The following GRM8 variants were observed in gnomAD, a reference collection of about 807,000 sequenced individuals.
The protein encoded by GRM8 is metabotropic glutamate receptor 8.
Under a neutral mutation model 87.2 loss-of-function variants are expected in GRM8, and 47 were observed. That is an observed-to-expected ratio of 0.54 (90% CI 0.43 to 0.69). GRM8 has a LOEUF of 0.69. Ranked by LOEUF, GRM8 falls within the 30% of genes least tolerant of loss-of-function variation. The pLI is 0.00. For missense variants in GRM8, 1,019 were observed against 1,139.2 expected, an observed-to-expected ratio of 0.89 and a Z score of 1.52; for synonymous variants, 396 against 404.5, an observed-to-expected ratio of 0.98 and a Z score of 0.25.
chr7:126,719,333 T>C (rs976979034), intron 7 of GRM8, among the ~76,000 whole-genome samples: 4 of 152,226 alleles, frequency 2.6e-5, no homozygotes, highest in African/African-American at 9.6e-5. Flanking sequence ...AACACAAACA[T>C]AGATTTCACT....
At chr7:127,198,954 C>A (rs1275736122) in intron 2 of GRM8, among the ~76,000 whole-genome samples, 1 of 151,904 alleles carries the variant, frequency 6.6e-6, no homozygotes, top group Non-Finnish European at 1.5e-5. Context: ...AATTCTCCTG[C>A]CTCAGCCTTC....
intron 7 of GRM8, among the ~76,000 whole-genome samples, chr7:126,740,854 C>T (rs545322886): frequency 5.0e-4 from 76 of 152,218 alleles, no homozygotes; most frequent in African/African-American, 1.8e-3. Context: ...GAAGCATAGA[C>T]ATTTCCCAAC....
At chr7:126,945,612 T>C (rs1807451381) in intron 3 of GRM8, among the ~76,000 whole-genome samples, 1 of 152,226 alleles carries the variant, frequency 6.6e-6, no homozygotes. Flanking sequence ...ATGAATTTCA[T>C]GTTTATACTT....
chr7:126,568,408 C>G (rs1411093711), intron 8 of GRM8, among the ~76,000 whole-genome samples: 2 of 152,094 alleles, frequency 1.3e-5, no homozygotes, highest in Non-Finnish European at 2.9e-5. Context: ...TGATGTAAGT[C>G]TTTAAAACTA....
chr7:127,064,548 C>T (rs1296775505), intron 3 of GRM8, among the ~76,000 whole-genome samples: 1 of 152,162 alleles, frequency 6.6e-6, no homozygotes, highest in Non-Finnish European at 1.5e-5. Flanking sequence ...AGACAGCATA[C>T]CATTGGATCT....
At chr7:127,197,361 G>A (rs745825413) in intron 2 of GRM8, among the ~76,000 whole-genome samples, 6 of 152,152 alleles carry the variant, frequency 3.9e-5, no homozygotes, top group Non-Finnish European at 7.3e-5. Context: ...AAGTTGGAAG[G>A]GGCCAACATT....
chr7:127,137,307 C>T (rs1231692512), intron 2 of GRM8, among the ~76,000 whole-genome samples: 1 of 151,942 alleles, frequency 6.6e-6, no homozygotes, highest in Non-Finnish European at 1.5e-5. Flanking sequence ...GCAATAAATG[C>T]CTAGTAATGT....
chr7:126,699,774 A>G (rs1347245735), intron 7 of GRM8, among the ~76,000 whole-genome samples: 1 of 152,188 alleles, frequency 6.6e-6, no homozygotes, highest in Non-Finnish European at 1.5e-5. Context: ...AGAGTGGCCC[A>G]GAAATGCCCT....
chr7:127,081,405 C>A (rs531812221), intron 3 of GRM8, among the ~76,000 whole-genome samples: 1 of 152,348 alleles, frequency 6.6e-6, no homozygotes, highest in Admixed American at 6.5e-5. Flanking sequence ...CCTGGCATCA[C>A]CCCTACCCAG....
chr7:127,149,479 T>G (rs1422346726), intron 2 of GRM8, among the ~76,000 whole-genome samples: 1 of 152,054 alleles, frequency 6.6e-6, no homozygotes, highest in Non-Finnish European at 1.5e-5. Context: ...CAGACTGGTA[T>G]AGCCATTATG....
intron 6 of GRM8, among the ~76,000 whole-genome samples, chr7:126,855,447 G>T (rs1382026602): frequency 6.7e-6 from 1 of 149,786 alleles, no homozygotes; most frequent in Non-Finnish European, 1.5e-5. Context: ...ACCAGAATTT[G>T]TAAAGGGCAG....
At chr7:126,507,716 G>A (rs143017754) in intron 9 of GRM8, among the ~76,000 whole-genome samples, 184 of 152,118 alleles carry the variant, frequency 1.2e-3, no homozygotes, top group African/African-American at 3.8e-3. Context: ...ATGAAGGTCC[G>A]CAGCCCAGGG....
chr7:126,642,443 C>T (rs995954605), intron 7 of GRM8, among the ~76,000 whole-genome samples: 5 of 151,956 alleles, frequency 3.3e-5, no homozygotes, highest in Non-Finnish European at 2.9e-5. Flanking sequence ...TCAAGACCAT[C>T]CTGGCTAACA....
intron 6 of GRM8, among the ~76,000 whole-genome samples, chr7:126,887,209 T>G (rs1480959544): frequency 6.6e-6 from 1 of 152,144 alleles, no homozygotes; most frequent in Non-Finnish European, 1.5e-5. Context: ...AGGAAACGTG[T>G]AGCTAACTGA....
intron 7 of GRM8, among the ~76,000 whole-genome samples, chr7:126,704,121 C>T (rs1810236608): frequency 6.6e-6 from 1 of 152,048 alleles, no homozygotes; most frequent in Non-Finnish European, 1.5e-5. Context: ...TCAGGGACCC[C>T]GAATGGAGGG....
chr7:126,978,719 A>G (rs1476083277), intron 3 of GRM8, among the ~76,000 whole-genome samples: 1 of 152,144 alleles, frequency 6.6e-6, no homozygotes, highest in Non-Finnish European at 1.5e-5. Context: ...GTCCCTCCAA[A>G]CCTTAAGATT....
At chr7:127,186,405 C>T in intron 2 of GRM8, among the ~76,000 whole-genome samples, 1 of 152,136 alleles carries the variant, frequency 6.6e-6, no homozygotes, top group East Asian at 1.9e-4. Flanking sequence ...GGGATCCCTT[C>T]ACTCTGGCGT....
chr7:126,631,203 C>T (rs1585289988), intron 7 of GRM8, among the ~76,000 whole-genome samples: 1 of 152,078 alleles, frequency 6.6e-6, no homozygotes, highest in Admixed American at 6.6e-5. Flanking sequence ...GATACAAAAT[C>T]AATGTGCAAA....
At chr7:126,706,074 C>A (rs1044061130) in intron 7 of GRM8, among the ~76,000 whole-genome samples, 1 of 151,988 alleles carries the variant, frequency 6.6e-6, no homozygotes, top group Non-Finnish European at 1.5e-5. Context: ...ATTTTAATGT[C>A]ATGGAAAATT....
Sources: allele counts gnomAD v4.1 joint callset (sites outside exome capture counted in the v4.1 genomes callset), GRCh38; gene constraint gnomAD v4.1.1; transcripts MANE v1.5; gene names NCBI Gene and HGNC (gene_info 2026-07-23, HGNC 2026-07-21).